Variants in TBC1D23 observed in about 807,000 individuals in gnomAD.
TBC1D23 encodes the protein TBC1 domain family member 23.
Under a neutral mutation model 91.4 loss-of-function variants are expected in TBC1D23, and 55 were observed. The observed-to-expected ratio is 0.60, with a 90% confidence interval of 0.48 to 0.75. The LOEUF is 0.75. Among genes scored for constraint, TBC1D23 ranks in the 30% least tolerant of loss-of-function variants. The probability of loss-of-function intolerance (pLI) is 0.00; values close to 1 mark genes in which losing one functional copy is unlikely to be tolerated. For missense variants in TBC1D23, 725 were observed against 836.1 expected, an observed-to-expected ratio of 0.87 and a Z score of 1.64; for synonymous variants, 289 against 281.0, an observed-to-expected ratio of 1.03 and a Z score of -0.28.
At chr3:100,318,689 T>G (rs1023305181) in intron 16 of TBC1D23, among the ~76,000 whole-genome samples, 15 of 151,688 alleles carry the variant, frequency 9.9e-5, no homozygotes, top group South Asian at 6.3e-4. Flanking sequence ...CTCATTCTGT[T>G]GCCCAAGCTG....
chr3:100,316,678 G>A (rs1705751966), intron 16 of TBC1D23, among the ~76,000 whole-genome samples: 1 of 152,028 alleles, frequency 6.6e-6, no homozygotes. Flanking sequence ...TGGGACTAAA[G>A]CACTGAAAAT....
chr3:100,321,844 ATC>A (rs1576190954), intron 18 of TBC1D23, among the ~76,000 whole-genome samples: 1 of 149,876 alleles, frequency 6.7e-6, no homozygotes, highest in East Asian at 1.9e-4. Context: ...AAAAAAAAAA[ATC>A]ACTTCATTGC....
At position 100,295,301 on chromosome 3, in the gene TBC1D23, G is replaced by T; in HGVS notation, c.726-1G>T. 1 of 1,610,492 alleles carries T rather than the reference G, an allele frequency of 6.2e-7. No homozygotes were observed. Among genetic ancestry groups the T allele is most frequent in the South Asian group, 1.1e-5 (1 of 90,208 alleles). ...CAAATTGATTTGATTCCCTTTTACAGAGAAGTTATTTTAACACAAGAGTCA... is the reference window on the plus strand; with the variant it reads ...CAAATTGATTTGATTCCCTTTTACATAGAAGTTATTTTAACACAAGAGTCA... On this transcript the variant is annotated splice_acceptor_variant, in intron 6 of 18. Coordinates refer to ENST00000394144, the MANE Select transcript of TBC1D23 (RefSeq NM_001199198.3). LOFTEE classifies it high-confidence loss of function.
At chr3:100,321,403 T>C (rs960467977) in intron 18 of TBC1D23, among the ~76,000 whole-genome samples, 3 of 152,316 alleles carry the variant, frequency 2.0e-5, no homozygotes, top group African/African-American at 7.2e-5. Flanking sequence ...CTTTGTCTCA[T>C]TGTGGGTCAC....
chr3:100,319,609 G>A (rs1338429664), intron 17 of TBC1D23, among the ~76,000 whole-genome samples: 1 of 151,958 alleles, frequency 6.6e-6, no homozygotes, highest in African/African-American at 2.4e-5. Flanking sequence ...TGTATTTTTA[G>A]TAGAGACGGG....
intron 1 of TBC1D23, chr3:100,267,249 G>A (rs771172926): frequency 3.8e-5 from 17 of 450,208 alleles, no homozygotes; most frequent in South Asian, 6.3e-5. Flanking sequence ...TGGAAAGCAG[G>A]TAAGTACCTT....
intron 8 of TBC1D23, 53 bp from the exon 9 acceptor site, chr3:100,297,870 G>A: frequency 1.4e-6 from 2 of 1,442,618 alleles, no homozygotes; most frequent in South Asian, 2.5e-5. Context: ...ATATTTTTAG[G>A]AAGAAAGTTT....
intron 2 of TBC1D23, among the ~76,000 whole-genome samples, chr3:100,281,389 T>C (rs2067693239): frequency 6.6e-6 from 1 of 152,216 alleles, no homozygotes; most frequent in African/African-American, 2.4e-5. Context: ...AAGTATTCTT[T>C]TGTATAATTT....
chr3:100,323,059 T>G (rs2148875685), intron 18 of TBC1D23, among the ~76,000 whole-genome samples: 1 of 152,334 alleles, frequency 6.6e-6, no homozygotes, highest in East Asian at 1.9e-4. Context: ...ATTTCAGACC[T>G]CATAACGCCA....
At chr3:100,261,237 G>C (rs1293483725) in intron 1 of TBC1D23, 166 bp downstream of exon 1, 6 of 637,980 alleles carry the variant, frequency 9.4e-6, no homozygotes, top group Non-Finnish European at 1.6e-5. Context: ...CCCCCTGCCT[G>C]CCTGGTTCTG....
rs537960058 is a variant in TBC1D23, at chr3:100,272,991, CA to C, written c.54-6655del. Among the ~76,000 whole-genome samples, 712 of 152,170 alleles carry C rather than the reference CA, an allele frequency of 4.7e-3. 2 individuals carry two copies. The highest frequency in any genetic ancestry group is 6.4e-3 in the Non-Finnish European group (432 of 68,010). On this transcript the variant is annotated intron_variant, in intron 1 of 18. Transcript: ENST00000394144. Reference sequence around the variant, plus strand: ...AGATGCCTTCCTCTTGTCTCAACTGCAAAGAGGCATGCCTTCCTCTTGTACT... The same window carrying C: ...AGATGCCTTCCTCTTGTCTCAACTGCAAGAGGCATGCCTTCCTCTTGTACT...
rs1388828843 is a variant in TBC1D23 at position 100,323,803 on chromosome 3, AATT to A, written c.*141_*143del. 4 of 330,786 alleles carry A rather than the reference AATT, an allele frequency of 1.2e-5. No homozygotes were observed. In the East Asian group the frequency reaches 1.7e-4, roughly 14 times the overall value. 20.5% of individuals were successfully genotyped at this position (330,786 alleles called of 1,614,324 possible). A position where few individuals can be genotyped will look rare whatever the true frequency, so the allele number is the denominator to read the frequency against. On this transcript the variant is annotated 3_prime_UTR_variant, in exon 19 of 19. Transcript: ENST00000394144. Reference sequence around the variant, plus strand: ...TAAATAGCAGGTCTAAGAAAGTGTAAATTATTATAATCAATCTGTGGACAGTAA... The same window carrying A: ...TAAATAGCAGGTCTAAGAAAGTGTAAATTATAATCAATCTGTGGACAGTAA...
At chr3:100,316,017 G>A in intron 15 of TBC1D23, 82 bp from the exon 16 acceptor site, 1 of 1,129,598 alleles carries the variant, frequency 8.9e-7, no homozygotes. Flanking sequence ...TACATTTTGT[G>A]TGAATATTCA....
At chr3:100,271,542 G>A (rs961035888) in intron 1 of TBC1D23, among the ~76,000 whole-genome samples, 2 of 152,138 alleles carry the variant, frequency 1.3e-5, no homozygotes, top group Non-Finnish European at 2.9e-5. Flanking sequence ...GAAGAGATAC[G>A]TAAGTCTCCT....
At chr3:100,272,519 C>T (rs2067607903) in intron 1 of TBC1D23, among the ~76,000 whole-genome samples, 1 of 152,106 alleles carries the variant, frequency 6.6e-6, no homozygotes, top group Non-Finnish European at 1.5e-5. Flanking sequence ...CCCCTCCACA[C>T]CTGTGGGTGT....
chr3:100,269,631 G>C (rs1322451329), intron 1 of TBC1D23, among the ~76,000 whole-genome samples: 2 of 152,192 alleles, frequency 1.3e-5, no homozygotes, highest in Admixed American at 6.5e-5. Context: ...CTGTACAAGT[G>C]AATCTGTAGC....
chr3:100,308,056 T>G (rs773916115), intron 13 of TBC1D23, among the ~76,000 whole-genome samples: 15 of 152,240 alleles, frequency 9.9e-5, no homozygotes, highest in Admixed American at 6.5e-5. Context: ...TTGAGGCTAT[T>G]TTAGAAATTA....
rs934899339 is a variant in TBC1D23 at position 100,274,897 on chromosome 3, C to A, written c.54-4752C>A. ...TATATCTATGCATACAGTACACACC[C>A]CCCCCCTTTTTGTTTATTCATTCAT... is the stretch of plus-strand genomic sequence containing the variant. On this transcript the variant is annotated intron_variant, in intron 1 of 18. Coordinates refer to ENST00000394144, the MANE Select transcript of TBC1D23 (RefSeq NM_001199198.3). Among the ~76,000 whole-genome samples the A allele has an allele frequency of 5.3e-3, 705 of 132,550 alleles. 3 individuals carry two copies. Among genetic ancestry groups the A allele is most frequent in the South Asian group, 7.4e-3 (29 of 3,904 alleles). 87.0% of individuals were successfully genotyped at this position (132,550 alleles called of 152,430 possible).
At chr3:100,298,158 C>T in intron 9 of TBC1D23, 113 bp downstream of exon 9, 1 of 879,340 alleles carries the variant, frequency 1.1e-6, no homozygotes, top group Non-Finnish European at 1.7e-6. Context: ...CAAGGTGGCT[C>T]TTTTGGCTTT....
Sources: gnomAD v4.1 joint callset for allele counts (sites outside exome capture counted in the v4.1 genomes callset) on GRCh38, gnomAD v4.1.1 for gene constraint, MANE v1.5 for transcripts, NCBI Gene and HGNC (gene_info 2026-07-23, HGNC 2026-07-21) for gene names.